Variants in SGCZ observed in about 807,000 individuals in gnomAD.
SGCZ encodes sarcoglycan zeta, also known as zeta-sarcoglycan.
In SGCZ, 40 loss-of-function variants were observed where a neutral mutation model predicts 41.3. The ratio of observed to expected loss-of-function variants is 0.97; its 90% confidence interval spans 0.75 to 1.26. The LOEUF (loss-of-function observed/expected upper bound fraction) is 1.26. SGCZ is among the 50% of genes most tolerant of loss of function. The pLI, the probability that SGCZ is intolerant of heterozygous loss-of-function variation, is 0.00. For synonymous variants in SGCZ, 206 were observed against 137.5 expected (o/e 1.50, Z -3.49); for missense variants, 552 against 369.8 (o/e 1.49, Z -4.04).
At chr8:15,064,831 G>A (rs1021321694) in intron 1 of SGCZ, among the ~76,000 whole-genome samples, 1 of 152,146 alleles carries the variant, frequency 6.6e-6, no homozygotes, top group Non-Finnish European at 1.5e-5. Flanking sequence ...CATAGTCTCA[G>A]TTACTGGCTT....
chr8:14,849,639 C>T (rs975298680), intron 1 of SGCZ, among the ~76,000 whole-genome samples: 1 of 152,012 alleles, frequency 6.6e-6, no homozygotes, highest in Non-Finnish European at 1.5e-5. Context: ...CTCAGCTATA[C>T]GTGGGGTGAG....
chr8:14,602,110 T>A (rs1005263053), intron 1 of SGCZ, among the ~76,000 whole-genome samples: 107 of 150,072 alleles, frequency 7.1e-4, no homozygotes, highest in African/African-American at 2.0e-3. Context: ...ACAGAGCGAG[T>A]CTCCGTCTGA....
At chr8:14,430,151 TC>T (rs141203827) in intron 2 of SGCZ, among the ~76,000 whole-genome samples, 30,883 of 152,016 alleles carry the variant, frequency 0.2, 3,721 homozygotes, top group Non-Finnish European at 0.28. Flanking sequence ...TTGACACTAT[TC>T]CCACAAGATA....
intron 1 of SGCZ, among the ~76,000 whole-genome samples, chr8:15,127,243 C>T (rs1235407490): frequency 1.1e-4 from 2 of 18,242 alleles, no homozygotes; most frequent in Non-Finnish European, 5.4e-4. Context: ...CACACACACA[C>T]ACACACACAC....
intron 1 of SGCZ, among the ~76,000 whole-genome samples, chr8:14,599,362 A>T (rs544669336): frequency 6.6e-6 from 1 of 152,116 alleles, no homozygotes; most frequent in Non-Finnish European, 1.5e-5. Flanking sequence ...TGTCAAAACC[A>T]CCTCTACACT....
At chr8:15,222,797 G>A (rs981821779) in intron 1 of SGCZ, among the ~76,000 whole-genome samples, 1 of 151,942 alleles carries the variant, frequency 6.6e-6, no homozygotes, top group Non-Finnish European at 1.5e-5. Context: ...GCGTGCATGT[G>A]TGGGTGTGTG....
chr8:14,794,710 A>G (rs1231097964), intron 1 of SGCZ, among the ~76,000 whole-genome samples: 1 of 152,144 alleles, frequency 6.6e-6, no homozygotes, highest in African/African-American at 2.4e-5. Flanking sequence ...CAAAGGATGA[A>G]AATAGGCTCA....
chr8:14,990,384 G>A (rs916569083), intron 1 of SGCZ, among the ~76,000 whole-genome samples: 2 of 131,132 alleles, frequency 1.5e-5, no homozygotes, highest in African/African-American at 5.1e-5. Flanking sequence ...GAGCTGAGTG[G>A]CAAGCAAGCC....
chr8:14,928,004 C>T (rs1049978999), intron 1 of SGCZ, among the ~76,000 whole-genome samples: 63 of 152,136 alleles, frequency 4.1e-4, no homozygotes, highest in Non-Finnish European at 5.0e-4. Flanking sequence ...GGCCTTAGCT[C>T]AACTCCAGAT....
At chr8:14,199,086 C>T (rs924556513) in intron 4 of SGCZ, among the ~76,000 whole-genome samples, 1 of 152,312 alleles carries the variant, frequency 6.6e-6, no homozygotes, top group Non-Finnish European at 1.5e-5. Context: ...TAACCTTAAA[C>T]TCTGGCTGCC....
intron 2 of SGCZ, among the ~76,000 whole-genome samples, chr8:14,402,558 T>A (rs1407518729): frequency 6.9e-6 from 1 of 145,724 alleles, no homozygotes; most frequent in Non-Finnish European, 1.5e-5. Flanking sequence ...CCTTTCCCCA[T>A]TGCTTGCTTT....
intron 1 of SGCZ, among the ~76,000 whole-genome samples, chr8:14,867,165 A>G (rs1803960914): frequency 1.3e-5 from 2 of 152,092 alleles, no homozygotes; most frequent in Middle Eastern, 3.2e-3. Context: ...TTCTTGGAAA[A>G]ACAAGAAATA....
chr8:15,164,761 A>C (rs754352116), intron 1 of SGCZ, among the ~76,000 whole-genome samples: 1 of 151,920 alleles, frequency 6.6e-6, no homozygotes, highest in Non-Finnish European at 1.5e-5. Context: ...GGCTGTGGCC[A>C]ATCTGGTGTG....
intron 2 of SGCZ, among the ~76,000 whole-genome samples, chr8:14,501,300 G>C (rs1360434768): frequency 1.3e-5 from 2 of 151,934 alleles, no homozygotes; most frequent in Non-Finnish European, 2.9e-5. Flanking sequence ...AATGTCATCA[G>C]ATTAGCAATC....
rs533186704 is a variant in SGCZ at position 15,237,667 on chromosome 8, C to G, written c.-44G>C. On this transcript the variant is annotated 5_prime_UTR_variant, in exon 1 of 8. Transcript: ENST00000382080. ...GTGGAGAGGAACCGGGCGAGTGGCA[C>G]CCAAAAACAATCTAGTCTTTTAGTT... The G allele has an allele frequency of 2.6e-6, 4 of 1,560,292 alleles. No homozygotes were observed. In the Admixed American group the frequency reaches 7.6e-5, roughly 30 times the overall value.
intron 1 of SGCZ, among the ~76,000 whole-genome samples, chr8:14,685,032 A>C (rs1383300523): frequency 6.6e-6 from 1 of 152,190 alleles, no homozygotes; most frequent in African/African-American, 2.4e-5. Context: ...AAAAACCATT[A>C]ATTTGAAATC....
chr8:14,212,015 A>C (rs1805825247), intron 4 of SGCZ, among the ~76,000 whole-genome samples: 1 of 152,140 alleles, frequency 6.6e-6, no homozygotes, highest in Non-Finnish European at 1.5e-5. Flanking sequence ...TCCCATCCCT[A>C]AGATAGTGAC....
intron 1 of SGCZ, among the ~76,000 whole-genome samples, chr8:14,978,656 C>T (rs1434068710): frequency 6.6e-6 from 1 of 151,998 alleles, no homozygotes; most frequent in Non-Finnish European, 1.5e-5. Flanking sequence ...AACAAGTCTT[C>T]AAATCTCACT....
At chr8:14,626,009 G>A (rs77306711) in intron 1 of SGCZ, among the ~76,000 whole-genome samples, 2 of 152,130 alleles carry the variant, frequency 1.3e-5, no homozygotes, top group Non-Finnish European at 2.9e-5. Context: ...AGGGGCAGTC[G>A]CATACTGTCG....
Sources: allele counts gnomAD v4.1 joint callset (sites outside exome capture counted in the v4.1 genomes callset), GRCh38; gene constraint gnomAD v4.1.1; transcripts MANE v1.5; gene names NCBI Gene and HGNC (gene_info 2026-07-23, HGNC 2026-07-21).